UBQLN4: variants seen among roughly 807,000 people sequenced by gnomAD.
The protein encoded by UBQLN4 is ubiquilin 4, also known as ubiquilin-4.
Under a neutral mutation model 60.4 loss-of-function variants are expected in UBQLN4, and 11 were observed. The observed-to-expected ratio is 0.18, with a 90% CI of 0.11 to 0.30. The LOEUF (loss-of-function observed/expected upper bound fraction) is 0.30, where lower values mean the gene tolerates loss of function less well. Among genes scored for constraint, UBQLN4 ranks in the 10% least tolerant of loss-of-function variants. UBQLN4 has a pLI of 1.00. For missense variants in UBQLN4, 417 were observed against 795.5 expected, an observed-to-expected ratio of 0.52 and a Z score of 5.72; for synonymous variants, 258 against 313.1, an observed-to-expected ratio of 0.82 and a Z score of 1.86.
intron 4 of UBQLN4, among the ~76,000 whole-genome samples, chr1:156,049,665 A>G (rs1359733340): frequency 1.3e-5 from 2 of 152,246 alleles, no homozygotes; most frequent in Non-Finnish European, 2.9e-5. Flanking sequence ...ACAGTGAACA[A>G]AACACTCACA....
chr1:156,050,296 T>C lies in UBQLN4; in HGVS notation c.736A>G (p.Arg246Gly). 1 of 1,568,736 alleles carries C rather than the reference T, an allele frequency of 6.4e-7. No individual in the cohort carries two copies. The highest frequency in any genetic ancestry group is 8.7e-7 in the Non-Finnish European group (1 of 1,151,740). Residue 246 changes from arginine (R) to glycine (G), a missense_variant, in exon 4 of 11, where the codon AGG becomes GGG. Physicochemically the swap from Arg to Gly is moderately radical, Grantham distance 125. Coordinates refer to ENST00000368309, the MANE Select transcript of UBQLN4 (RefSeq NM_020131.5). This position sits in a 1 kb window ranked among gnomAD's most constrained non-coding sequence, Gnocchi z 4.6. ...SHMLNNPELMRQTMELARNPA... is the reference protein window; with the variant it reads ...SHMLNNPELMGQTMELARNPA... ...TCCAGCCCTCTCATACTCACCTGCCTCATGAGTTCAGGGTTATTGAGCATG... is the reference window on the plus strand; with the variant it reads ...TCCAGCCCTCTCATACTCACCTGCCCCATGAGTTCAGGGTTATTGAGCATG...
At chr1:156,049,938 T>C (rs1683822600) in intron 4 of UBQLN4, among the ~76,000 whole-genome samples, 1 of 152,228 alleles carries the variant, frequency 6.6e-6, no homozygotes, top group South Asian at 2.1e-4. Flanking sequence ...CTTCTTTCTT[T>C]CCCCCTGGTT....
chr1:156,049,275 G>T (rs1683798128), intron 4 of UBQLN4, among the ~76,000 whole-genome samples: 1 of 152,206 alleles, frequency 6.6e-6, no homozygotes, highest in Admixed American at 6.5e-5. Flanking sequence ...ATGACTGCAA[G>T]TTGGGGAAGG....
At chr1:156,037,246 G>C in intron 10 of UBQLN4, 116 bp from the exon 11 acceptor site, 1 of 1,342,202 alleles carries the variant, frequency 7.5e-7, no homozygotes. Flanking sequence ...CAATCAGGAG[G>C]GCAGGGAAGA....
intron 5 of UBQLN4, among the ~76,000 whole-genome samples, chr1:156,047,981 CAA>C (rs911535666): frequency 2.0e-5 from 3 of 148,154 alleles, no homozygotes; most frequent in African/African-American, 7.5e-5. Flanking sequence ...TGATTAAAAA[CAA>C]AAAAAAAGAA....
At position 156,042,903 on chromosome 1, in the gene UBQLN4, A is replaced by G. The variant is rs1361860496; in HGVS notation, c.1137T>C (p.Asn379=). 6.2e-7 allele frequency: 1 copy of G among 1,613,994 alleles called. No individual in the cohort carries two copies. Among genetic ancestry groups the G allele is most frequent in the Non-Finnish European group, 8.5e-7 (1 of 1,179,986 alleles). ...NAASLGSGMF[N]SPEMQALLQQ... is the part of the protein sequence containing the mutation. ...GGAGGAGGGCTTGCATTTCTGGGCTATTGAACATCCCTAGGACAAGGCGGA... is the reference window on the plus strand; with the variant it reads ...GGAGGAGGGCTTGCATTTCTGGGCTGTTGAACATCCCTAGGACAAGGCGGA... Residue 379 remains asparagine (N), a synonymous_variant, in exon 7 of 11, where the codon AAT becomes AAC. Transcript: ENST00000368309.
chr1:156,042,380 A>G (rs1683592363), intron 7 of UBQLN4, 144 bp from the exon 8 acceptor site: 1 of 1,432,840 alleles, frequency 7.0e-7, no homozygotes, highest in African/African-American at 1.4e-5. Flanking sequence ...CTGAAGGCCT[A>G]AGTGGGACAG....
At position 156,036,994 on chromosome 1, in the gene UBQLN4, C is replaced by T. The variant is rs1477593952; in HGVS notation, c.1790G>A (p.Gly597Asp). 1 of 1,613,966 alleles carries T rather than the reference C, an allele frequency of 6.2e-7. No individual in the cohort carries two copies. The highest frequency in any genetic ancestry group is 1.1e-5 in the South Asian group (1 of 91,066). ...GCCGAGGGATTAGGAGAGCTGGGAGCCCAGCAGTCTCTCGATAGCTGCGTT... is the reference window on the plus strand; with the variant it reads ...GCCGAGGGATTAGGAGAGCTGGGAGTCCAGCAGTCTCTCGATAGCTGCGTT... ...DINAAIERLL[G>D]SQLS is the part of the protein sequence containing the mutation. Residue 597 changes from glycine (G) to aspartate (D), a missense_variant, in exon 11 of 11, where the codon GGC becomes GAC. Coordinates refer to ENST00000368309, the MANE Select transcript of UBQLN4 (RefSeq NM_020131.5).
chr1:156,033,304 T>A (rs1003709350), downstream of UBQLN4: 5 of 985,106 alleles, frequency 5.1e-6, no homozygotes, highest in African/African-American at 8.7e-5. Context: ...GAGCAGAGTG[T>A]AATCCTTCCG....
downstream of UBQLN4, among the ~76,000 whole-genome samples, chr1:156,032,509 C>A (rs2102733594): frequency 9.7e-6 from 1 of 103,424 alleles, no homozygotes; most frequent in African/African-American, 3.1e-5. Context: ...GAAACTCCGT[C>A]TCAGAAAAAA....
In UBQLN4 at chr1:156,050,675, A is replaced by T. The variant is rs1683844159; in HGVS notation, c.479-122T>A. 27 of 1,393,860 alleles carry T rather than the reference A, an allele frequency of 1.9e-5. No homozygotes were observed. In the South Asian group the frequency reaches 4.0e-4, roughly 21 times the overall value. The allele number at this position is 1,393,860 out of a possible 1,614,324, so 86.3% of individuals were successfully genotyped here. On this transcript the variant is annotated intron_variant, in intron 3 of 10. Transcript: ENST00000368309. This position sits in a 1 kb window ranked among gnomAD's most constrained non-coding sequence, Gnocchi z 4.6. Reference sequence around the variant, plus strand: ...CTTCTCACATGTCCCTCTTCCTGTCATTCCCACAGCCCGGCCCTGATCCAC... The same window carrying T: ...CTTCTCACATGTCCCTCTTCCTGTCTTTCCCACAGCCCGGCCCTGATCCAC...
intron 10 of UBQLN4, among the ~76,000 whole-genome samples, chr1:156,041,116 T>C (rs1302248163): frequency 6.6e-6 from 1 of 152,216 alleles, no homozygotes; most frequent in East Asian, 1.9e-4. Context: ...CTACTAGCTA[T>C]GTAAGTGAGT....
chr1:156,050,110 A>G lies in UBQLN4; in HGVS notation c.741+181T>C, dbSNP rs938602162. On this transcript the variant is annotated intron_variant, in intron 4 of 10. Coordinates refer to ENST00000368309, the MANE Select transcript of UBQLN4 (RefSeq NM_020131.5). This position sits in a 1 kb window ranked among gnomAD's most constrained non-coding sequence, Gnocchi z 4.6. The stretch of plus-strand genomic sequence containing the variant: ...TTCTAATTGCCGGTTTACTTGTCCT[A>G]CTTCCCTTTGACACCTGGAATTCCT... Among the ~76,000 whole-genome samples, 1 of 152,018 alleles carries G rather than the reference A, an allele frequency of 6.6e-6. No individual in the cohort carries two copies. Among genetic ancestry groups the G allele is most frequent in the African/African-American group, 2.4e-5 (1 of 41,386 alleles).
Position 156,037,128 on chromosome 1 carries a change from C to T in UBQLN4, c.1656G>A (p.Val552=), listed in dbSNP as rs763614222. ...GCTGAAATCTCACTTCTGGCGTCTGCACCTGGAGGGGACAGGCCTTGTGAA... is the reference window on the plus strand; with the variant it reads ...GCTGAAATCTCACTTCTGGCGTCTGTACCTGGAGGGGACAGGCCTTGTGAA... ...QLLAGSGNSQ[V]QTPEVRFQQQ... Residue 552 remains valine (V), a splice_region_variant and synonymous_variant, in exon 11 of 11, where the codon GTG becomes GTA. Coordinates refer to ENST00000368309, the MANE Select transcript of UBQLN4 (RefSeq NM_020131.5). 1.7e-5 allele frequency: 28 copies of T among 1,614,016 alleles called. No homozygotes were observed. The highest frequency in any genetic ancestry group is 2.3e-5 in the Non-Finnish European group (27 of 1,179,934).
intron 7 of UBQLN4, 174 bp downstream of exon 7, chr1:156,042,600 A>C (rs976313424): frequency 4.4e-5 from 50 of 1,130,260 alleles, no homozygotes; most frequent in Non-Finnish European, 5.5e-5. Flanking sequence ...ATCATCTTAC[A>C]GATAAAGAAA....
rs1302867538 is a variant in UBQLN4 at position 156,042,042 on chromosome 1, A to G, written c.1351-55T>C. On this transcript the variant is annotated intron_variant, in intron 8 of 10. Transcript: ENST00000368309. ...AAGAGGTGGCAGGAAAGAGGAGACAACCTCAACTAGGAGTCCAGAGTCAAG... is the reference window on the plus strand; with the variant it reads ...AAGAGGTGGCAGGAAAGAGGAGACAGCCTCAACTAGGAGTCCAGAGTCAAG... The G allele has an allele frequency of 4.3e-6, 7 of 1,612,238 alleles. No individual in the cohort carries two copies. The Admixed American group carries it at 5.0e-5, about 12-fold the overall frequency.
intron 5 of UBQLN4, among the ~76,000 whole-genome samples, chr1:156,046,286 G>A (rs1226275977): frequency 2.7e-5 from 4 of 145,742 alleles, no homozygotes; most frequent in East Asian, 2.1e-4. Context: ...TCAGGAGTTC[G>A]AGACCAGCCT....
intron 5 of UBQLN4, among the ~76,000 whole-genome samples, chr1:156,046,719 G>T (rs1683713645): frequency 6.6e-6 from 1 of 151,512 alleles, no homozygotes; most frequent in African/African-American, 2.4e-5. Flanking sequence ...GTGCAAGCCT[G>T]CAGTCCCGGC....
rs754788863 is a variant in UBQLN4, at chr1:156,036,027, A to ATG, written c.*949_*950dup. On this transcript the variant is annotated 3_prime_UTR_variant, in exon 11 of 11. Coordinates refer to ENST00000368309, the MANE Select transcript of UBQLN4 (RefSeq NM_020131.5). ...ACAAGCAAGACCTGGGTCCATGGAA[A>ATG]TGTGTGTGTGTGTGCATATAAGCAC... 720 of 985,328 alleles carry ATG rather than the reference A, an allele frequency of 7.3e-4. No homozygotes were observed. Among genetic ancestry groups the ATG allele is most frequent in the Non-Finnish European group, 8.1e-4 (671 of 829,786 alleles). 61.0% of individuals were successfully genotyped at this position (985,328 alleles called of 1,614,324 possible).
Sources: allele counts gnomAD v4.1 joint callset (sites outside exome capture counted in the v4.1 genomes callset), GRCh38; gene constraint gnomAD v4.1.1; non-coding constraint Gnocchi (gnomAD v3.1); transcripts MANE v1.5; gene names NCBI Gene and HGNC (gene_info 2026-07-23, HGNC 2026-07-21).